The following SLC41A2 variants were observed in gnomAD, a reference collection of about 807,000 sequenced individuals.
SLC41A2 encodes solute carrier family 41 member 2, also known as SLC41A1-like 1.
A neutral mutation model predicts 58.3 loss-of-function variants in SLC41A2; 32 were observed. That is an observed-to-expected ratio of 0.55 (90% confidence interval 0.41 to 0.74). SLC41A2 has a LOEUF of 0.74. Ranked by LOEUF, SLC41A2 falls within the 30% of genes least tolerant of loss-of-function variation. SLC41A2 has a pLI of 0.00. For missense variants in SLC41A2, 514 were observed against 680.6 expected (o/e 0.76, Z 2.72); for synonymous variants, 190 against 235.0 (o/e 0.81, Z 1.75).
At chr12:104,865,548 T>A (rs1468021633) in intron 7 of SLC41A2, among the ~76,000 whole-genome samples, 2 of 152,168 alleles carry the variant, frequency 1.3e-5, no homozygotes, top group Non-Finnish European at 2.9e-5. Context: ...CAGTTAGGTG[T>A]CAGCTTTTTT....
chr12:104,880,216 C>A (rs1372234974), intron 6 of SLC41A2, among the ~76,000 whole-genome samples: 1 of 152,102 alleles, frequency 6.6e-6, no homozygotes, highest in Non-Finnish European at 1.5e-5. Flanking sequence ...AGATTTGGGG[C>A]AGATAAAATG....
At position 104,886,460 on chromosome 12, in the gene SLC41A2, T is replaced by C. The variant is rs367650492; in HGVS notation, c.881-21A>G. The C allele has an allele frequency of 6.2e-6, 10 of 1,608,564 alleles. No individual in the cohort carries two copies. In the African/African-American group the frequency reaches 1.3e-4, roughly 22 times the overall value. ...TATTCCTAGAAGAAAGAATGTTCAT[T>C]ACTTTTTAGGCTATGATTTAAAGAA... On this transcript the variant is annotated intron_variant, in intron 5 of 10. Coordinates refer to ENST00000258538, the MANE Select transcript of SLC41A2 (RefSeq NM_001352171.3).
intron 3 of SLC41A2, among the ~76,000 whole-genome samples, chr12:104,907,065 G>T (rs1294777449): frequency 9.0e-6 from 1 of 110,580 alleles, no homozygotes; most frequent in African/African-American, 3.4e-5. Flanking sequence ...TGCCTGCCTT[G>T]TTATTCATGT....
chr12:104,845,141 A>G (rs2042557428), intron 9 of SLC41A2, among the ~76,000 whole-genome samples: 1 of 152,062 alleles, frequency 6.6e-6, no homozygotes, highest in East Asian at 1.9e-4. Context: ...GATAAAAAAA[A>G]ATTAGCCAAG....
chr12:104,904,158 C>T (rs1165245811), intron 3 of SLC41A2, among the ~76,000 whole-genome samples: 3 of 152,158 alleles, frequency 2.0e-5, no homozygotes, highest in Non-Finnish European at 4.4e-5. Flanking sequence ...TATTATTATT[C>T]TGGATAATGC....
chr12:104,896,134 G>C (rs979308861), intron 3 of SLC41A2, among the ~76,000 whole-genome samples: 6 of 152,144 alleles, frequency 3.9e-5, no homozygotes, highest in African/African-American at 1.4e-4. Context: ...ATGATCTATA[G>C]ATAAGTTGAT....
chr12:104,947,837 C>T (rs1161319878), intron 1 of SLC41A2, among the ~76,000 whole-genome samples: 5 of 152,000 alleles, frequency 3.3e-5, no homozygotes, highest in Non-Finnish European at 7.4e-5. Context: ...TTTTAATTTA[C>T]AAAGGACATC....
At chr12:104,889,516 A>T (rs1009061303) in intron 4 of SLC41A2, among the ~76,000 whole-genome samples, 1 of 152,124 alleles carries the variant, frequency 6.6e-6, no homozygotes, top group African/African-American at 2.4e-5. Context: ...CTGAAGTCTG[A>T]CTCTAGAGGT....
rs770259010 is a variant in SLC41A2, at chr12:104,928,372, T to C, written c.156A>G (p.Lys52=). Residue 52 remains lysine, a synonymous_variant, in exon 2 of 11, where the codon AAA becomes AAG. Coordinates refer to ENST00000258538, the MANE Select transcript of SLC41A2 (RefSeq NM_001352171.3). Reference sequence around the variant, plus strand: ...CTTTTTTGTGCCTGTCTTCTTGGTTTTTCTGGTAAATCACTGGAACCATAC... The same window carrying C: ...CTTTTTTGTGCCTGTCTTCTTGGTTCTTCTGGTAAATCACTGGAACCATAC... The part of the protein sequence containing the change: ...LLSMVPVIYQ[K]NQEDRHKKAN... 25 of 1,595,698 alleles carry C rather than the reference T, an allele frequency of 1.6e-5. No homozygotes were observed. The South Asian group carries it at 1.6e-4, about 10-fold the overall frequency.
chr12:104,886,332 T>G lies in SLC41A2; in HGVS notation c.988A>C (p.Ile330Leu). The G allele has an allele frequency of 6.2e-7, 1 of 1,613,654 alleles. No homozygotes were observed. Among genetic ancestry groups the G allele is most frequent in the Non-Finnish European group, 8.5e-7 (1 of 1,179,652 alleles). ...ASFGDLITLA[I>L]LAWISQGLYS... Reference sequence around the variant, plus strand: ...AAGCCCTGACTTATCCAAGCCAATATGGCAAGAGTTATAAGGTCGCCAAAA... The same window carrying G: ...AAGCCCTGACTTATCCAAGCCAATAGGGCAAGAGTTATAAGGTCGCCAAAA... Residue 330 changes from isoleucine (I) to leucine (L), a missense_variant, in exon 6 of 11, where the codon ATA becomes CTA. Ile to Leu is a conservative substitution (Grantham distance 5). This residue lies in a region of SLC41A2 where 336 missense variants were observed against 430.0 expected (regional missense o/e 0.78). Transcript: ENST00000258538.
intron 1 of SLC41A2, among the ~76,000 whole-genome samples, chr12:104,930,814 T>A (rs1346820955): frequency 6.6e-6 from 1 of 152,172 alleles, no homozygotes; most frequent in Non-Finnish European, 1.5e-5. Context: ...AGACCAGTCA[T>A]CTCAGAATTT....
At chr12:104,940,932 C>CT (rs2047488006) in intron 1 of SLC41A2, among the ~76,000 whole-genome samples, 1 of 93,260 alleles carries the variant, frequency 1.1e-5, no homozygotes, top group African/African-American at 4.1e-5. Context: ...AAGACTCTGC[C>CT]TCAAAAAAAA....
At chr12:104,924,779 C>T (rs868599685) in intron 2 of SLC41A2, among the ~76,000 whole-genome samples, 5 of 151,898 alleles carry the variant, frequency 3.3e-5, no homozygotes, top group South Asian at 2.1e-4. Context: ...ACCATTCCTC[C>T]CAATGTCCAT....
intron 6 of SLC41A2, among the ~76,000 whole-genome samples, chr12:104,885,126 T>TA (rs2044593707): frequency 6.6e-6 from 1 of 152,008 alleles, no homozygotes; most frequent in African/African-American, 2.4e-5. Context: ...CACAACAACA[T>TA]AAAAAAGCCA....
chr12:104,883,611 C>G (rs1377107088), intron 6 of SLC41A2, among the ~76,000 whole-genome samples: 1 of 152,196 alleles, frequency 6.6e-6, no homozygotes, highest in Non-Finnish European at 1.5e-5. Flanking sequence ...TGCTGGAGGT[C>G]CACTCCAGAC....
chr12:104,957,818 C>A (rs112083513), intron 1 of SLC41A2, among the ~76,000 whole-genome samples: 6,180 of 152,242 alleles, frequency 0.041, 178 homozygotes, highest in East Asian at 0.11. Flanking sequence ...CTGCCTTGGG[C>A]GCCCGGGACC....
chr12:104,927,953 A>C lies in SLC41A2; in HGVS notation c.555+20T>G. On this transcript the variant is annotated intron_variant, in intron 2 of 10. Transcript: ENST00000258538. The stretch of plus-strand genomic sequence containing the variant: ...AATAACAAAAAAAGACAGTAAAGTT[A>C]AATAAAGATGAAAACCCACCTGTAC... The C allele has an allele frequency of 6.5e-7, 1 of 1,528,768 alleles. No homozygotes were observed. Among genetic ancestry groups the C allele is most frequent in the Non-Finnish European group, 8.8e-7 (1 of 1,139,462 alleles). The allele number at this position is 1,528,768 out of a possible 1,614,324, so 94.7% of individuals were successfully genotyped here.
chr12:104,928,254 G>C lies in SLC41A2; in HGVS notation c.274C>G (p.Gln92Glu). 6.2e-7 allele frequency: 1 copy of C among 1,614,024 alleles called. No individual in the cohort carries two copies. Among genetic ancestry groups the C allele is most frequent in the South Asian group, 1.1e-5 (1 of 91,068 alleles). ...TGCCCATTATTGGCATGAAAAGACTGCTCTGAGAAACTGTGATACTCCATG... is the reference window on the plus strand; with the variant it reads ...TGCCCATTATTGGCATGAAAAGACTCCTCTGAGAAACTGTGATACTCCATG... ...QHMEYHSFSE[Q>E]SFHANNGHAS... The change falls in exon 2 of 11, where the codon CAG (glutamine) becomes GAG (glutamate). Residue 92 changes from glutamine (Q) to glutamate (E), a missense_variant. Physicochemically the swap from Gln to Glu is conservative, Grantham distance 29. Around this residue, in one of 3 missense-constraint regions of SLC41A2, gnomAD observed 336 missense variants for 430.0 expected, o/e 0.78. Transcript: ENST00000258538.
At chr12:104,950,407 TGAA>T (rs1400889242) in intron 1 of SLC41A2, among the ~76,000 whole-genome samples, 7 of 152,258 alleles carry the variant, frequency 4.6e-5, no homozygotes, top group African/African-American at 1.7e-4. Flanking sequence ...TGTTGCCATG[TGAA>T]GAAGGTCTTT....
Sources: allele counts gnomAD v4.1 joint callset (sites outside exome capture counted in the v4.1 genomes callset), GRCh38; gene constraint gnomAD v4.1.1; regional missense constraint gnomAD v4.1.1; transcripts MANE v1.5; gene names NCBI Gene and HGNC (gene_info 2026-07-23, HGNC 2026-07-21).